MATN2: variants seen among roughly 807,000 people sequenced by gnomAD.
The protein encoded by MATN2 is matrilin-2.
MATN2 carries 69 observed loss-of-function variants against 103.2 expected under a neutral mutation model. The observed-to-expected ratio is 0.67, with a 90% CI of 0.55 to 0.82. MATN2 has a LOEUF of 0.82. MATN2 is among the 40% of genes least tolerant of loss of function. The pLI is 0.00. For synonymous variants in MATN2, 429 were observed against 450.2 expected (o/e 0.95, Z 0.60); for missense variants, 1,023 against 1,211.5 (o/e 0.84, Z 2.31).
chr8:97,907,427 T>A (rs1196435022), intron 2 of MATN2, among the ~76,000 whole-genome samples: 1 of 151,088 alleles, frequency 6.6e-6, no homozygotes, highest in Non-Finnish European at 1.5e-5. Flanking sequence ...TTCTCCTGCC[T>A]CAGCCTCCCA....
At chr8:97,950,377 C>G (rs1324821445) in intron 4 of MATN2, among the ~76,000 whole-genome samples, 1 of 152,070 alleles carries the variant, frequency 6.6e-6, no homozygotes, top group Non-Finnish European at 1.5e-5. Context: ...CACAGGGTGT[C>G]AAGGGCAAAA....
At chr8:97,889,917 C>T (rs1818573352) in intron 2 of MATN2, among the ~76,000 whole-genome samples, 2 of 152,154 alleles carry the variant, frequency 1.3e-5, no homozygotes. Context: ...CCACATCACC[C>T]CCACCTTCCC....
chr8:98,028,649 C>T (rs1813897877), intron 14 of MATN2, among the ~76,000 whole-genome samples: 1 of 151,886 alleles, frequency 6.6e-6, no homozygotes, highest in Non-Finnish European at 1.5e-5. Flanking sequence ...TGCAGTGGCG[C>T]GATGTCAGCT....
At chr8:97,953,834 T>C (rs1406969473) in intron 4 of MATN2, among the ~76,000 whole-genome samples, 5 of 149,166 alleles carry the variant, frequency 3.4e-5, no homozygotes, top group African/African-American at 1.2e-4. Context: ...TGGTGGTGCG[T>C]ACCTTTAGTC....
intron 5 of MATN2, among the ~76,000 whole-genome samples, chr8:97,975,935 A>T (rs1811821607): frequency 6.6e-6 from 1 of 152,186 alleles, no homozygotes; most frequent in Non-Finnish European, 1.5e-5. Flanking sequence ...TATTAGAAGG[A>T]TGTGGTGCTA....
chr8:98,014,825 A>G (rs1813305463), intron 10 of MATN2, among the ~76,000 whole-genome samples: 1 of 151,956 alleles, frequency 6.6e-6, no homozygotes. Context: ...ATGCTTTACC[A>G]AAAAAAGTGT....
intron 15 of MATN2, 139 bp downstream of exon 15, chr8:98,030,753 C>T (rs528388174): frequency 6.1e-5 from 46 of 749,542 alleles, no homozygotes; most frequent in Non-Finnish European, 8.7e-5. Flanking sequence ...ACCTCCGCCT[C>T]CTGGGTTCAA....
rs561728430 is a variant in MATN2 at position 98,025,298 on chromosome 8, C to A, written c.1943-2118C>A. 1.0e-3 allele frequency: 163 copies of A among 158,452 alleles called. 1 individual carries two copies. In the Middle Eastern group the frequency reaches 0.016, roughly 15 times the overall value. The allele number at this position is 158,452 out of a possible 1,614,324, so 9.8% of individuals were successfully genotyped here. A position where few individuals can be genotyped will look rare whatever the true frequency, so the allele number is the denominator to read the frequency against. ...CACACACACACACACACACCACACA[C>A]ACTATGACGTTAAGCATTTTATACT... is the stretch of plus-strand genomic sequence containing the variant. On this transcript the variant is annotated intron_variant, in intron 13 of 18. Coordinates refer to ENST00000254898, the MANE Select transcript of MATN2 (RefSeq NM_002380.5).
At chr8:97,910,563 C>T (rs1387585252) in intron 2 of MATN2, among the ~76,000 whole-genome samples, 1 of 152,128 alleles carries the variant, frequency 6.6e-6, no homozygotes, top group Non-Finnish European at 1.5e-5. Context: ...TACCAGGTTG[C>T]TGGGAATGTA....
chr8:98,033,245 C>A, intron 17 of MATN2, 69 bp downstream of exon 17: 2 of 1,358,960 alleles, frequency 1.5e-6, no homozygotes, highest in Non-Finnish European at 2.0e-6. Context: ...ACAACCTTAG[C>A]TTTAAGGAGG....
At chr8:97,879,334 G>A (rs1274111430) in intron 1 of MATN2, among the ~76,000 whole-genome samples, 2 of 152,232 alleles carry the variant, frequency 1.3e-5, no homozygotes, top group Admixed American at 1.3e-4. Flanking sequence ...CCCTAATGGG[G>A]AGGCTGGGGT....
intron 5 of MATN2, among the ~76,000 whole-genome samples, chr8:97,965,684 A>G (rs1811455569): frequency 6.6e-6 from 1 of 151,958 alleles, no homozygotes; most frequent in Admixed American, 6.6e-5. Context: ...AAAAATAAAA[A>G]AATTAGTTGG....
At chr8:97,998,612 G>T (rs992066626) in intron 7 of MATN2, among the ~76,000 whole-genome samples, 12 of 146,494 alleles carry the variant, frequency 8.2e-5, no homozygotes, top group African/African-American at 2.7e-4. Flanking sequence ...TATTTTTATT[G>T]TATGTGCTGC....
chr8:98,024,275 C>T (rs1431633366), intron 13 of MATN2, among the ~76,000 whole-genome samples: 3 of 152,124 alleles, frequency 2.0e-5, no homozygotes, highest in South Asian at 2.1e-4. Context: ...GAGGCCGAAG[C>T]GGGCGGATCA....
intron 5 of MATN2, among the ~76,000 whole-genome samples, chr8:97,962,655 G>T (rs1167968475): frequency 6.6e-6 from 1 of 152,086 alleles, no homozygotes; most frequent in Non-Finnish European, 1.5e-5. Flanking sequence ...AGAGTGGCAG[G>T]GTTCCACACC....
Position 98,027,650 on chromosome 8 carries a change from A to G in MATN2, c.2177A>G (p.Lys726Arg), listed in dbSNP as rs1813857901. 3 of 1,613,716 alleles carry G rather than the reference A, an allele frequency of 1.9e-6. No individual in the cohort carries two copies. In the Admixed American group the frequency reaches 5.0e-5, roughly 27 times the overall value. Residue 726 changes from lysine to arginine, a missense_variant, in exon 14 of 19, where the codon AAA becomes AGA. Transcript: ENST00000254898. ...ATGAAAAAAGCCGTGGCCCACATGA[A>G]ATACATGGGAAAGGGCTCTATGACT... ...KDMKKAVAHM[K>R]YMGKGSMTGL...
chr8:98,004,561 C>T (rs141141510), intron 8 of MATN2, among the ~76,000 whole-genome samples: 3 of 152,286 alleles, frequency 2.0e-5, no homozygotes, highest in African/African-American at 4.8e-5. Flanking sequence ...GAAATAGGAG[C>T]CATTTTGATA....
At chr8:97,898,542 A>C (rs909230980) in intron 2 of MATN2, among the ~76,000 whole-genome samples, 1 of 151,218 alleles carries the variant, frequency 6.6e-6, no homozygotes, top group Non-Finnish European at 1.5e-5. Flanking sequence ...GGTTGCAGTG[A>C]GCTGAGATCA....
At chr8:98,015,684 T>C (rs1409925762) in intron 10 of MATN2, among the ~76,000 whole-genome samples, 2 of 152,216 alleles carry the variant, frequency 1.3e-5, no homozygotes, top group African/African-American at 4.8e-5. Context: ...TCCATCCTTC[T>C]ATCCTGCTCT....
Sources: gnomAD v4.1 joint callset for allele counts (sites outside exome capture counted in the v4.1 genomes callset) on GRCh38, gnomAD v4.1.1 for gene constraint, MANE v1.5 for transcripts, NCBI Gene and HGNC (gene_info 2026-07-23, HGNC 2026-07-21) for gene names.